The following XYLT1 variants were observed in gnomAD, a reference collection of about 807,000 sequenced individuals.
The protein encoded by XYLT1 is beta-D-xylosyltransferase 1.
XYLT1 carries 36 observed loss-of-function variants against 91.3 expected under a neutral mutation model. That is an observed-to-expected ratio of 0.39 (90% CI 0.30 to 0.52). The LOEUF (loss-of-function observed/expected upper bound fraction) is 0.52, where lower values mean the gene tolerates loss of function less well. Ranked by LOEUF, XYLT1 falls within the 20% of genes least tolerant of loss-of-function variation. The pLI is 0.68. For synonymous variants in XYLT1, 588 were observed against 532.0 expected (o/e 1.11, Z -1.45); for missense variants, 1,242 against 1,284.5 (o/e 0.97, Z 0.51).
At chr16:17,198,520 T>A in intron 4 of XYLT1, 106 bp from the exon 5 acceptor site, 1 of 1,147,052 alleles carries the variant, frequency 8.7e-7, no homozygotes. Context: ...GGTTGGGCAC[T>A]TCTGAGCACA....
chr16:17,348,799 G>C (rs2035180813), intron 2 of XYLT1, among the ~76,000 whole-genome samples: 1 of 152,148 alleles, frequency 6.6e-6, no homozygotes. Context: ...AACCCAGCCT[G>C]AACATTCTAG....
intron 2 of XYLT1, among the ~76,000 whole-genome samples, chr16:17,287,306 C>T (rs995787559): frequency 2.0e-5 from 3 of 152,034 alleles, no homozygotes; most frequent in South Asian, 4.2e-4. Flanking sequence ...TCAATTAACG[C>T]TCAGTGCAGT....
At chr16:17,309,535 C>G (rs1311553047) in intron 2 of XYLT1, among the ~76,000 whole-genome samples, 1 of 152,140 alleles carries the variant, frequency 6.6e-6, no homozygotes, top group African/African-American at 2.4e-5. Context: ...CATGGACATG[C>G]ATCAGCTTGG....
intron 1 of XYLT1, among the ~76,000 whole-genome samples, chr16:17,407,948 C>G (rs953117616): frequency 1.3e-5 from 2 of 152,212 alleles, no homozygotes; most frequent in Non-Finnish European, 2.9e-5. Context: ...CTTCCCCTCC[C>G]TCTCTCTTGC....
chr16:17,184,671 A>G (rs2141572008), intron 5 of XYLT1, among the ~76,000 whole-genome samples: 1 of 152,330 alleles, frequency 6.6e-6, no homozygotes, highest in Non-Finnish European at 1.5e-5. Context: ...GAACATTTCC[A>G]TCACCCCCGA....
At chr16:17,427,865 CA>C (rs1320751650) in intron 1 of XYLT1, among the ~76,000 whole-genome samples, 1 of 151,854 alleles carries the variant, frequency 6.6e-6, no homozygotes, top group Non-Finnish European at 1.5e-5. Flanking sequence ...TCTACCACCT[CA>C]AATCATCTCA....
intron 5 of XYLT1, among the ~76,000 whole-genome samples, chr16:17,183,824 A>T (rs1376734981): frequency 6.6e-6 from 1 of 152,188 alleles, no homozygotes; most frequent in Non-Finnish European, 1.5e-5. Context: ...TACTTGAATG[A>T]TAATAAGAAT....
chr16:17,382,636 C>T (rs1408207499), intron 1 of XYLT1, among the ~76,000 whole-genome samples: 1 of 151,736 alleles, frequency 6.6e-6, no homozygotes, highest in Non-Finnish European at 1.5e-5. Context: ...ATGAACTTGG[C>T]CCTACAGAGG....
Position 17,108,839 on chromosome 16 carries a change from C to G in XYLT1, c.2736G>C (p.Gly912=), listed in dbSNP as rs1303070880. The G allele has an allele frequency of 1.9e-6, 3 of 1,612,976 alleles. No homozygotes were observed. Among genetic ancestry groups the G allele is most frequent in the South Asian group, 2.2e-5 (2 of 91,038 alleles). The change falls in exon 12 of 12, where the codon GGG becomes GGC. Residue 912 remains glycine, a synonymous_variant. Coordinates refer to ENST00000261381, the MANE Select transcript of XYLT1 (RefSeq NM_022166.4). ...CACAGATGTCCATGGCAGTCCACAT[C>G]CCGCCCACCAACGAGTCCAGCCATC... ...LEGWLDSLVG[G]MWTAMDICAT... is the part of the protein sequence containing the mutation.
intron 1 of XYLT1, among the ~76,000 whole-genome samples, chr16:17,389,399 C>A (rs1377463400): frequency 6.6e-6 from 1 of 152,190 alleles, no homozygotes; most frequent in African/African-American, 2.4e-5. Flanking sequence ...GTACACGCCA[C>A]CACACCTCGC....
intron 1 of XYLT1, among the ~76,000 whole-genome samples, chr16:17,448,829 G>A (rs1341807207): frequency 6.6e-6 from 1 of 152,118 alleles, no homozygotes; most frequent in Non-Finnish European, 1.5e-5. Flanking sequence ...CAGACACTGT[G>A]CTAAATGAGG....
chr16:17,176,306 C>T (rs926514023), intron 5 of XYLT1, among the ~76,000 whole-genome samples: 3 of 152,226 alleles, frequency 2.0e-5, no homozygotes, highest in East Asian at 1.9e-4. Flanking sequence ...TCACTATCAT[C>T]GTTTCTCGAG....
At chr16:17,433,471 A>T (rs746553697) in intron 1 of XYLT1, among the ~76,000 whole-genome samples, 1 of 152,244 alleles carries the variant, frequency 6.6e-6, no homozygotes, top group Non-Finnish European at 1.5e-5. Flanking sequence ...GTTGCCTAGA[A>T]TGATCCACAG....
chr16:17,287,601 A>G (rs529529954), intron 2 of XYLT1, among the ~76,000 whole-genome samples: 1 of 152,306 alleles, frequency 6.6e-6, no homozygotes, highest in Admixed American at 6.5e-5. Flanking sequence ...AGGCTGCTTC[A>G]GCCAAAAGCT....
At chr16:17,207,373 T>C (rs1240993525) in intron 3 of XYLT1, among the ~76,000 whole-genome samples, 2 of 152,198 alleles carry the variant, frequency 1.3e-5, no homozygotes, top group African/African-American at 4.8e-5. Context: ...GTTGGTTCTC[T>C]TGATACCTGT....
chr16:17,170,649 G>C (rs965191461), intron 5 of XYLT1, among the ~76,000 whole-genome samples: 1 of 152,160 alleles, frequency 6.6e-6, no homozygotes, highest in African/African-American at 2.4e-5. Flanking sequence ...GAATGGCACT[G>C]AACTGTACTG....
Position 17,103,861 on chromosome 16 carries a change from C to T in XYLT1, c.*4834G>A, listed in dbSNP as rs1966739906. 6.6e-6 allele frequency: 1 copy of T among 152,202 alleles called. No individual in the cohort carries two copies. The allele number at this position is 152,202 out of a possible 1,614,324, so 9.4% of individuals were successfully genotyped here. A position where few individuals can be genotyped will look rare whatever the true frequency, so the allele number is the denominator to read the frequency against. On this transcript the variant is annotated 3_prime_UTR_variant, in exon 12 of 12. Transcript: ENST00000261381. The stretch of plus-strand genomic sequence containing the variant: ...ACACAGGTGGCGCAAGAAAGCCCTC[C>T]TCCATCTTAAGAGGGTCCTATACAG...
At chr16:17,243,353 C>T (rs1302685401) in intron 3 of XYLT1, among the ~76,000 whole-genome samples, 1 of 152,178 alleles carries the variant, frequency 6.6e-6, no homozygotes, top group Non-Finnish European at 1.5e-5. Context: ...TGCTCAAAAC[C>T]CATGCATGGC....
rs2029901451 is a variant in XYLT1 at position 17,117,925 on chromosome 16, G to C, written c.2278C>G (p.Leu760Val). 1.2e-6 allele frequency: 2 copies of C among 1,614,048 alleles called. No homozygotes were observed. The highest frequency in any genetic ancestry group is 1.7e-6 in the Non-Finnish European group (2 of 1,179,960). The change falls in exon 11 of 12, where the codon CTG (leucine) becomes GTG (valine). Residue 760 changes from leucine (L) to valine (V), a missense_variant. By Grantham distance (32) the Leu-to-Val change is conservative (BLOSUM62 1). Around this residue, in one of 3 missense-constraint regions of XYLT1, gnomAD observed 511 missense variants for 497.0 expected, o/e 1.03. Coordinates refer to ENST00000261381, the MANE Select transcript of XYLT1 (RefSeq NM_022166.4). The stretch of plus-strand genomic sequence containing the variant: ...CCCACCGGCTCATCCATGGGCCCCA[G>C]AAGACCCCCAAAGTTGCGGAATAGC... ...ERLFRNFGGL[L>V]GPMDEPVGMQ...
Sources: gnomAD v4.1 joint callset for allele counts (sites outside exome capture counted in the v4.1 genomes callset) on GRCh38, gnomAD v4.1.1 for gene constraint, gnomAD v4.1.1 regional missense constraint, MANE v1.5 for transcripts, NCBI Gene and HGNC (gene_info 2026-07-23, HGNC 2026-07-21) for gene names.